ZMAT4: variants seen among roughly 807,000 people sequenced by gnomAD.
ZMAT4 encodes zinc finger matrin-type protein 4.
A neutral mutation model predicts 28.7 loss-of-function variants in ZMAT4; 17 were observed. That is an observed-to-expected ratio of 0.59 (90% confidence interval 0.41 to 0.89). ZMAT4 has a LOEUF of 0.89. Ranked by LOEUF, ZMAT4 falls within the 40% of genes least tolerant of loss-of-function variation. The probability of loss-of-function intolerance (pLI) is 0.00; values close to 1 mark genes in which losing one functional copy is unlikely to be tolerated. For synonymous variants in ZMAT4, 117 were observed against 109.2 expected (o/e 1.07, Z -0.44); for missense variants, 240 against 283.8 (o/e 0.85, Z 1.11).
intron 3 of ZMAT4, among the ~76,000 whole-genome samples, chr8:40,730,930 G>C (rs774934672): frequency 5.9e-5 from 9 of 152,142 alleles, no homozygotes; most frequent in Non-Finnish European, 1.0e-4. Flanking sequence ...GTCAATTTCA[G>C]CTCCTTGCAC....
At position 40,621,660 on chromosome 8, in the gene ZMAT4, T is replaced by A. The variant is rs186280887; in HGVS notation, c.578-40399A>T. Among the ~76,000 whole-genome samples, 4 of 152,346 alleles carry A rather than the reference T, an allele frequency of 2.6e-5. No homozygotes were observed. The East Asian group carries it at 7.7e-4, about 29-fold the overall frequency. ...GACTCCTGAGACCCTGCCTTGGGCA[T>A]GCTTAGTATCACAATTTTTGGCTTT... On this transcript the variant is annotated intron_variant, in intron 5 of 6. Transcript: ENST00000297737.
At chr8:40,879,621 TTC>T (rs1818152563) in intron 1 of ZMAT4, among the ~76,000 whole-genome samples, 2 of 152,192 alleles carry the variant, frequency 1.3e-5, no homozygotes, top group Admixed American at 1.3e-4. Context: ...GGGTCTCATT[TTC>T]TTTCTGTAAT....
rs1456495988 is a variant in ZMAT4, at chr8:40,730,466, G to A, written c.193-33065C>T. On this transcript the variant is annotated intron_variant, in intron 3 of 6. Transcript: ENST00000297737. ...ATGTTATTTATAAATGTGCATGAAT[G>A]TGCCATCCTATGATGATCCTTTTTT... is the stretch of plus-strand genomic sequence containing the variant. Among the ~76,000 whole-genome samples the A allele has an allele frequency of 3.9e-5, 6 of 152,190 alleles. No individual in the cohort carries two copies. In the South Asian group the frequency reaches 1.0e-3, roughly 26 times the overall value.
chr8:40,677,295 ATTTT>A (rs11311291), intron 4 of ZMAT4, among the ~76,000 whole-genome samples: 2 of 144,152 alleles, frequency 1.4e-5, no homozygotes, highest in African/African-American at 5.1e-5. Flanking sequence ...AGTTTAAAGG[ATTTT>A]TTTTTTTTTT....
intron 6 of ZMAT4, among the ~76,000 whole-genome samples, chr8:40,546,159 T>TG (rs1365416931): frequency 6.6e-6 from 1 of 151,934 alleles, no homozygotes; most frequent in African/African-American, 2.4e-5. Context: ...AAAGCAAATT[T>TG]AAGAAAATCC....
intron 1 of ZMAT4, among the ~76,000 whole-genome samples, chr8:40,884,315 T>G (rs976248017): frequency 6.6e-6 from 1 of 152,098 alleles, no homozygotes; most frequent in African/African-American, 2.4e-5. Context: ...ATCATCTTTG[T>G]ACCCTGCCCA....
chr8:40,802,280 T>G (rs930112721), intron 2 of ZMAT4, among the ~76,000 whole-genome samples: 1 of 152,080 alleles, frequency 6.6e-6, no homozygotes, highest in African/African-American at 2.4e-5. Context: ...AAGAAAGAAA[T>G]AAAACTATCC....
intron 2 of ZMAT4, among the ~76,000 whole-genome samples, chr8:40,821,201 CTT>C (rs775076412): frequency 5.3e-5 from 8 of 152,118 alleles, no homozygotes; most frequent in Non-Finnish European, 1.0e-4. Flanking sequence ...ACAAGCAACT[CTT>C]TCCCTTTGCA....
At chr8:40,587,807 A>G (rs1804717312) in intron 5 of ZMAT4, among the ~76,000 whole-genome samples, 1 of 152,076 alleles carries the variant, frequency 6.6e-6, no homozygotes, top group Admixed American at 6.6e-5. Flanking sequence ...TAAATAGTCA[A>G]AAGGCCAAAA....
chr8:40,801,915 T>A (rs959081113), intron 2 of ZMAT4, among the ~76,000 whole-genome samples: 1 of 152,140 alleles, frequency 6.6e-6, no homozygotes, highest in Non-Finnish European at 1.5e-5. Flanking sequence ...GCTAGACTGG[T>A]TCAACATTTA....
intron 3 of ZMAT4, among the ~76,000 whole-genome samples, chr8:40,724,924 A>G (rs1811259549): frequency 2.0e-5 from 3 of 152,206 alleles, no homozygotes; most frequent in Admixed American, 2.0e-4. Context: ...CCCCACACTC[A>G]CTGCAGAATA....
intron 5 of ZMAT4, among the ~76,000 whole-genome samples, chr8:40,635,653 A>G (rs1028043035): frequency 1.3e-5 from 2 of 152,236 alleles, no homozygotes; most frequent in African/African-American, 4.8e-5. Flanking sequence ...AGAGCACCAG[A>G]CTTAAACATA....
intron 2 of ZMAT4, among the ~76,000 whole-genome samples, chr8:40,813,256 A>C (rs1815400569): frequency 6.6e-6 from 1 of 152,200 alleles, no homozygotes; most frequent in African/African-American, 2.4e-5. Context: ...AAACCTCATG[A>C]ATTAGTTGCC....
At chr8:40,629,369 T>A (rs375030568) in intron 5 of ZMAT4, among the ~76,000 whole-genome samples, 3 of 43,298 alleles carry the variant, frequency 6.9e-5, no homozygotes, top group African/African-American at 1.4e-4. Flanking sequence ...TATTGGGAAA[T>A]TTTTTTTTGA....
intron 5 of ZMAT4, among the ~76,000 whole-genome samples, chr8:40,627,088 G>A (rs1022852831): frequency 2.0e-5 from 3 of 152,112 alleles, no homozygotes; most frequent in African/African-American, 4.8e-5. Context: ...ACTGTGCCTG[G>A]CCTAGCAGAT....
intron 1 of ZMAT4, among the ~76,000 whole-genome samples, chr8:40,840,725 AGATAGGTTCAATACTGCTTAATC>A (rs1816670836): frequency 6.6e-6 from 1 of 152,192 alleles, no homozygotes; most frequent in Non-Finnish European, 1.5e-5. Flanking sequence ...CTGTATTCTG[AGATAGGTTCAATACTGCTTAATC>A]ATATGCAAAA....
intron 6 of ZMAT4, among the ~76,000 whole-genome samples, chr8:40,562,645 C>G (rs1563341287): frequency 6.6e-6 from 1 of 151,990 alleles, no homozygotes; most frequent in Non-Finnish European, 1.5e-5. Flanking sequence ...TTCTTTCTAC[C>G]CCAGCCATTG....
At chr8:40,785,018 A>C (rs547361124) in intron 2 of ZMAT4, among the ~76,000 whole-genome samples, 1 of 152,364 alleles carries the variant, frequency 6.6e-6, no homozygotes, top group Admixed American at 6.5e-5. Context: ...CTAAAGTCTT[A>C]ACTCCAGTGC....
At position 40,678,431 on chromosome 8, in the gene ZMAT4, C is replaced by T. The variant is rs577802011; in HGVS notation, c.350-3500G>A. Among the ~76,000 whole-genome samples the T allele has an allele frequency of 6.6e-5, 10 of 152,298 alleles. No homozygotes were observed. In the East Asian group the frequency reaches 1.9e-3, roughly 29 times the overall value. ...AACATTAAGCTATTATCCCACCAGC[C>T]TTTGCCCAAGGCCATGACCAGAATG... On this transcript the variant is annotated intron_variant, in intron 4 of 6. Coordinates refer to ENST00000297737, the MANE Select transcript of ZMAT4 (RefSeq NM_024645.3).
Sources: allele counts gnomAD v4.1 joint callset (sites outside exome capture counted in the v4.1 genomes callset), GRCh38; gene constraint gnomAD v4.1.1; transcripts MANE v1.5; gene names NCBI Gene and HGNC (gene_info 2026-07-23, HGNC 2026-07-21).